ABCA13: variants seen among roughly 807,000 people sequenced by gnomAD.
ABCA13 encodes the protein ATP-binding cassette sub-family A member 13.
A neutral mutation model predicts 478.7 loss-of-function variants in ABCA13; 476 were observed. The observed-to-expected ratio is 0.99, with a 90% confidence interval of 0.92 to 1.07. ABCA13 has a LOEUF of 1.07. Among genes scored for constraint, ABCA13 ranks in the 50% least tolerant of loss-of-function variants. The pLI, the probability that ABCA13 is intolerant of heterozygous loss-of-function variation, is 0.00. For missense variants in ABCA13, 6,060 were observed against 5,910.6 expected (o/e 1.03, Z -0.83); for synonymous variants, 2,252 against 2,158.9 (o/e 1.04, Z -1.20).
At chr7:48,192,504 C>A (rs939850054) in intron 1 of ABCA13, among the ~76,000 whole-genome samples, 3 of 151,994 alleles carry the variant, frequency 2.0e-5, no homozygotes, top group African/African-American at 7.2e-5. Flanking sequence ...AGTTATAAAT[C>A]TTGTTTGGCA....
At chr7:48,487,665 G>C (rs1343846049) in intron 47 of ABCA13, among the ~76,000 whole-genome samples, 1 of 151,688 alleles carries the variant, frequency 6.6e-6, no homozygotes, top group African/African-American at 2.4e-5. Context: ...GACCAGGCTA[G>C]TGGGAGGTTC....
At chr7:48,507,238 T>C (rs945173214) in intron 49 of ABCA13, among the ~76,000 whole-genome samples, 2 of 152,212 alleles carry the variant, frequency 1.3e-5, no homozygotes, top group African/African-American at 4.8e-5. Context: ...AGATGACTTG[T>C]GCTGAGGAGT....
At chr7:48,192,856 T>A (rs1167755248) in intron 1 of ABCA13, 103 bp from the exon 2 acceptor site, 1 of 873,008 alleles carries the variant, frequency 1.1e-6, no homozygotes, top group Non-Finnish European at 1.7e-6. Flanking sequence ...ATGACTGTTC[T>A]GAGACACACA....
intron 55 of ABCA13, among the ~76,000 whole-genome samples, chr7:48,529,118 T>A (rs1285300965): frequency 6.6e-6 from 1 of 152,156 alleles, no homozygotes; most frequent in Non-Finnish European, 1.5e-5. Context: ...GTGTCTTCCT[T>A]TTTCCCCTGC....
At chr7:48,577,595 AC>A (rs1788304641) in intron 55 of ABCA13, among the ~76,000 whole-genome samples, 1 of 152,150 alleles carries the variant, frequency 6.6e-6, no homozygotes, top group Admixed American at 6.5e-5. Context: ...ATAACTAATG[AC>A]CATAAAAGCA....
At chr7:48,506,134 A>G (rs1222923228) in intron 48 of ABCA13, among the ~76,000 whole-genome samples, 1 of 152,218 alleles carries the variant, frequency 6.6e-6, no homozygotes, top group Non-Finnish European at 1.5e-5. Flanking sequence ...TTTGACAACA[A>G]CAGCAATGAC....
Position 48,338,435 on chromosome 7 carries a change from C to T in ABCA13, c.10184C>T (p.Thr3395Ile). ...TTGCACATTGATGTAGACAAACTTA[C>T]TGAAAAACTCCAGACATACGGTAAG... ...NQLHIDVDKLTEKLQTYGGLL... is the reference protein window; with the variant it reads ...NQLHIDVDKLIEKLQTYGGLL... Residue 3395 changes from threonine (T) to isoleucine (I), a missense_variant, in exon 29 of 62, where the codon ACT becomes ATT. Coordinates refer to ENST00000435803, the MANE Select transcript of ABCA13 (RefSeq NM_152701.5). 1 of 1,595,892 alleles carries T rather than the reference C, an allele frequency of 6.3e-7. No homozygotes were observed. The highest frequency in any genetic ancestry group is 2.3e-5 in the East Asian group (1 of 44,104).
At chr7:48,531,760 G>A (rs1338194185) in intron 55 of ABCA13, among the ~76,000 whole-genome samples, 1 of 107,622 alleles carries the variant, frequency 9.3e-6, no homozygotes, top group Non-Finnish European at 1.8e-5. Context: ...TTTTGCGGCT[G>A]TTGTAAAAGA....
chr7:48,239,423 T>A lies in ABCA13; in HGVS notation c.1062+18T>A, dbSNP rs1301827431. ...ACCAACAGGTGCTGTCCCCTCTCTC[T>A]ATGTTCTGTTCAAAGGTGTGCCAGT... On this transcript the variant is annotated intron_variant, in intron 9 of 61. Transcript: ENST00000435803. 4 of 1,600,966 alleles carry A rather than the reference T, an allele frequency of 2.5e-6. No homozygotes were observed. Among genetic ancestry groups the A allele is most frequent in the Non-Finnish European group, 3.4e-6 (4 of 1,173,392 alleles).
chr7:48,605,854 A>T (rs1275673482), intron 58 of ABCA13, among the ~76,000 whole-genome samples: 3 of 152,198 alleles, frequency 2.0e-5, no homozygotes, highest in Non-Finnish European at 4.4e-5. Flanking sequence ...TACACCAATC[A>T]AATGTAGATT....
intron 44 of ABCA13, among the ~76,000 whole-genome samples, chr7:48,471,102 T>G (rs1466429860): frequency 6.6e-6 from 1 of 152,240 alleles, no homozygotes; most frequent in African/African-American, 2.4e-5. Flanking sequence ...CAAAAAGGTT[T>G]AAAGAGGAAA....
intron 59 of ABCA13, among the ~76,000 whole-genome samples, chr7:48,633,803 C>A (rs1794377443): frequency 6.6e-6 from 1 of 151,768 alleles, no homozygotes; most frequent in South Asian, 2.1e-4. Flanking sequence ...GCAGGAGAAT[C>A]ACCTTAACCT....
chr7:48,387,756 A>G, intron 35 of ABCA13, 66 bp from the exon 36 acceptor site: 1 of 1,236,818 alleles, frequency 8.1e-7, no homozygotes, highest in East Asian at 2.6e-5. Flanking sequence ...ATTACTTAAG[A>G]TATTCTAATA....
chr7:48,341,297 C>A (rs939982146), intron 29 of ABCA13, among the ~76,000 whole-genome samples: 3 of 152,088 alleles, frequency 2.0e-5, no homozygotes, highest in African/African-American at 7.2e-5. Context: ...CACCCAGACC[C>A]CCTACCATGC....
chr7:48,209,339 G>A (rs1010852622), intron 3 of ABCA13, among the ~76,000 whole-genome samples: 4 of 151,916 alleles, frequency 2.6e-5, no homozygotes, highest in Non-Finnish European at 4.4e-5. Context: ...ATTTTTTTGT[G>A]TATATGTCTG....
intron 3 of ABCA13, among the ~76,000 whole-genome samples, chr7:48,215,768 C>A (rs190505915): frequency 1.3e-5 from 2 of 152,176 alleles, no homozygotes; most frequent in Non-Finnish European, 2.9e-5. Context: ...CAATCTCCCC[C>A]ACGCCTAACC....
intron 15 of ABCA13, among the ~76,000 whole-genome samples, chr7:48,250,897 A>G (rs920282405): frequency 6.6e-6 from 1 of 152,134 alleles, no homozygotes; most frequent in Non-Finnish European, 1.5e-5. Context: ...TTCTCCTTAG[A>G]AAGCCTGCAT....
chr7:48,205,721 T>C (rs1029221846), intron 3 of ABCA13, among the ~76,000 whole-genome samples: 6 of 152,240 alleles, frequency 3.9e-5, no homozygotes, highest in African/African-American at 1.4e-4. Flanking sequence ...CATAGCTTTA[T>C]AGTATTTTTT....
intron 55 of ABCA13, among the ~76,000 whole-genome samples, chr7:48,542,174 A>G (rs1833986843): frequency 6.6e-6 from 1 of 151,664 alleles, no homozygotes; most frequent in Non-Finnish European, 1.5e-5. Flanking sequence ...GAATGAGAGG[A>G]TACGTTGGAA....
Sources: gnomAD v4.1 joint callset for allele counts (sites outside exome capture counted in the v4.1 genomes callset) on GRCh38, gnomAD v4.1.1 for gene constraint, MANE v1.5 for transcripts, NCBI Gene and HGNC (gene_info 2026-07-23, HGNC 2026-07-21) for gene names.